The following SULT6B1 variants were observed in gnomAD, a reference collection of about 807,000 sequenced individuals.
SULT6B1 encodes the protein sulfotransferase 6B1.
In SULT6B1, 44 loss-of-function variants were observed where a neutral mutation model predicts 37.2. The ratio of observed to expected loss-of-function variants is 1.18; its 90% confidence interval spans 0.93 to 1.52. The LOEUF is 1.52. Among genes scored for constraint, SULT6B1 ranks in the 40% most tolerant of loss-of-function variants. SULT6B1 has a pLI of 0.00. For synonymous variants in SULT6B1, 140 were observed against 126.0 expected (o/e 1.11, Z -0.74); for missense variants, 450 against 361.0 (o/e 1.25, Z -2.00).
chr2:37,176,823 C>G (rs1194532400), intron 4 of SULT6B1, among the ~76,000 whole-genome samples: 1 of 152,106 alleles, frequency 6.6e-6, no homozygotes, highest in Non-Finnish European at 1.5e-5. Context: ...AATGGTTCTG[C>G]CCAGTGAGAC....
intron 2 of SULT6B1, among the ~76,000 whole-genome samples, chr2:37,185,523 C>A (rs552622115): frequency 8.2e-4 from 125 of 152,004 alleles, no homozygotes; most frequent in African/African-American, 2.8e-3. Flanking sequence ...TTGAGAGTAG[C>A]CTGTCCAACA....
At chr2:37,185,798 G>A (rs891785047) in intron 2 of SULT6B1, among the ~76,000 whole-genome samples, 6 of 151,386 alleles carry the variant, frequency 4.0e-5, no homozygotes, top group Admixed American at 1.3e-4. Flanking sequence ...GTGATGTTAA[G>A]CACTCTCTTT....
intron 6 of SULT6B1, among the ~76,000 whole-genome samples, chr2:37,168,925 C>T (rs939143651): frequency 3.3e-5 from 5 of 152,032 alleles, no homozygotes; most frequent in Non-Finnish European, 7.4e-5. Context: ...TGAAGAAACG[C>T]TTACAATATA....
intron 3 of SULT6B1, among the ~76,000 whole-genome samples, chr2:37,180,134 C>A (rs1435420178): frequency 1.3e-5 from 2 of 152,122 alleles, no homozygotes; most frequent in African/African-American, 4.8e-5. Context: ...AACTGAAACC[C>A]CAGAGAACCA....
upstream of SULT6B1, among the ~76,000 whole-genome samples, chr2:37,191,624 G>C (rs1454221015): frequency 1.3e-5 from 2 of 152,176 alleles, no homozygotes; most frequent in Non-Finnish European, 2.9e-5. Context: ...GAGTGAGAAG[G>C]GCAGAGAAGA....
intron 6 of SULT6B1, among the ~76,000 whole-genome samples, chr2:37,170,173 A>G (rs1249216212): frequency 6.6e-6 from 1 of 152,178 alleles, no homozygotes; most frequent in Non-Finnish European, 1.5e-5. Context: ...AATGAAATGT[A>G]AGAAGTCATT....
At chr2:37,193,567 AAAAAAAAAGAAG>A (rs1475243683), upstream of SULT6B1, among the ~76,000 whole-genome samples, 9 of 142,244 alleles carry the variant, frequency 6.3e-5, no homozygotes, top group East Asian at 6.0e-4. Flanking sequence ...ACATTTACCA[AAAAAAAAAGAAG>A]AAAAAGAAGA....
intron 3 of SULT6B1, among the ~76,000 whole-genome samples, chr2:37,182,192 C>T (rs867673906): frequency 1.3e-5 from 2 of 152,004 alleles, no homozygotes; most frequent in African/African-American, 4.8e-5. Context: ...CCTGTTGTGC[C>T]TTTCTTTGCT....
chr2:37,180,487 G>C (rs10209193), intron 3 of SULT6B1, among the ~76,000 whole-genome samples: 45,012 of 152,100 alleles, frequency 0.3, 7,707 homozygotes, highest in East Asian at 0.78. Flanking sequence ...CTAACACCTG[G>C]ATTTTTTCAA....
upstream of SULT6B1, among the ~76,000 whole-genome samples, chr2:37,191,900 G>T (rs1000717544): frequency 3.3e-5 from 5 of 152,226 alleles, no homozygotes; most frequent in Non-Finnish European, 7.3e-5. Flanking sequence ...TCTGGGGATT[G>T]GGGTTGCTGG....
At chr2:37,182,478 G>T (rs369225669) in intron 3 of SULT6B1, among the ~76,000 whole-genome samples, 2 of 152,112 alleles carry the variant, frequency 1.3e-5, no homozygotes, top group South Asian at 4.2e-4. Context: ...TTCAAAAAAC[G>T]CAATTACTTT....
At chr2:37,183,243 G>A (rs1055858070) in intron 3 of SULT6B1, among the ~76,000 whole-genome samples, 182 bp downstream of exon 3, 5 of 152,190 alleles carry the variant, frequency 3.3e-5, no homozygotes, top group African/African-American at 1.2e-4. Flanking sequence ...TGTTGAAAAT[G>A]CATTTGACTT....
Position 37,167,935 on chromosome 2 carries a change from T to A in SULT6B1, c.912A>T (p.Ter304CysextTer8). 1 of 1,579,754 alleles carries A rather than the reference T, an allele frequency of 6.3e-7. No individual in the cohort carries two copies. The highest frequency in any genetic ancestry group is 8.5e-7 in the Non-Finnish European group (1 of 1,170,756). ...KLKYESYCQG[*>C] is the part of the protein sequence containing the mutation. ...TCTAGGCCTGCTGAATTGACTGGAA[T>A]CAACCCTGGCAATATGATTCATACT... is the stretch of plus-strand genomic sequence containing the variant. The change falls in exon 7 of 7, where the codon TGA (stop) becomes TGT (cysteine). Residue 304 changes from the stop codon to cysteine, a stop_lost. Coordinates refer to ENST00000535679, the MANE Select transcript of SULT6B1 (RefSeq NM_001367551.1).
chr2:37,176,187 G>T (rs769865748), intron 4 of SULT6B1, among the ~76,000 whole-genome samples: 4 of 149,856 alleles, frequency 2.7e-5, no homozygotes, highest in Non-Finnish European at 5.9e-5. Flanking sequence ...AAAATGGGGC[G>T]TTATGAGGTT....
chr2:37,171,248 CAAAT>C (rs1267002941), intron 6 of SULT6B1, among the ~76,000 whole-genome samples, 182 bp downstream of exon 6: 3 of 151,476 alleles, frequency 2.0e-5, no homozygotes, highest in Non-Finnish European at 2.9e-5. Context: ...TCAAAACAAA[CAAAT>C]AAACCAAAAA....
At chr2:37,191,578 G>T (rs781323030), upstream of SULT6B1, among the ~76,000 whole-genome samples, 6 of 152,192 alleles carry the variant, frequency 3.9e-5, no homozygotes, top group Non-Finnish European at 7.3e-5. Context: ...TTCTTGTCCT[G>T]CATTCAAGAA....
intron 4 of SULT6B1, 88 bp from the exon 5 acceptor site, chr2:37,175,314 A>T: frequency 1.6e-6 from 1 of 628,242 alleles, no homozygotes; most frequent in East Asian, 3.1e-5. Context: ...TATAAACTAT[A>T]CATATGTGTA....
At chr2:37,183,292 AAAAC>A (rs1676595555) in intron 3 of SULT6B1, 129 bp downstream of exon 3, 2 of 708,030 alleles carry the variant, frequency 2.8e-6, no homozygotes, top group African/African-American at 3.6e-5. Context: ...GAAAGAAACA[AAAAC>A]AAAAAAACTA....
At chr2:37,193,402 T>C (rs192618908), upstream of SULT6B1, among the ~76,000 whole-genome samples, 366 of 151,332 alleles carry the variant, frequency 2.4e-3, 2 homozygotes, top group Middle Eastern at 0.01. Context: ...GCAGGGCTTG[T>C]AGTGAGCTGA....
Sources: allele counts gnomAD v4.1 joint callset (sites outside exome capture counted in the v4.1 genomes callset), GRCh38; gene constraint gnomAD v4.1.1; transcripts MANE v1.5; gene names NCBI Gene and HGNC (gene_info 2026-07-23, HGNC 2026-07-21).